The following UVRAG variants were observed in gnomAD, a reference collection of about 807,000 sequenced individuals.
The protein encoded by UVRAG is UV radiation resistance associated.
UVRAG carries 19 observed loss-of-function variants against 78.0 expected under a neutral mutation model. The observed-to-expected ratio is 0.24, with a 90% CI of 0.17 to 0.36. The LOEUF (loss-of-function observed/expected upper bound fraction) is 0.36, where lower values mean the gene tolerates loss of function less well. Ranked by LOEUF, UVRAG falls within the 10% of genes least tolerant of loss-of-function variation. The pLI, the probability that UVRAG is intolerant of heterozygous loss-of-function variation, is 1.00. For synonymous variants in UVRAG, 323 were observed against 324.6 expected (o/e 1.00, Z 0.05); for missense variants, 740 against 853.8 (o/e 0.87, Z 1.66).
chr11:76,008,697 A>C (rs1178601153), intron 10 of UVRAG, 110 bp from the exon 11 acceptor site: 1 of 531,718 alleles, frequency 1.9e-6, no homozygotes, highest in African/African-American at 1.9e-5. Context: ...TTATGATAAT[A>C]CTTGGAGTTT....
chr11:76,076,920 G>A (rs1951414670), intron 13 of UVRAG, among the ~76,000 whole-genome samples: 1 of 150,766 alleles, frequency 6.6e-6, no homozygotes, highest in Admixed American at 6.6e-5. Context: ...GGGAGGCTGA[G>A]ATGGGAAAAT....
chr11:76,085,093 A>G (rs535540855), intron 13 of UVRAG, among the ~76,000 whole-genome samples: 162 of 150,266 alleles, frequency 1.1e-3, no homozygotes, highest in African/African-American at 2.9e-3. Context: ...AAAAAAATCT[A>G]ATTGTTCTGA....
chr11:75,946,338 G>A (rs1948587832), intron 6 of UVRAG, among the ~76,000 whole-genome samples: 1 of 152,184 alleles, frequency 6.6e-6, no homozygotes, highest in Admixed American at 6.5e-5. Context: ...TTTGACTAAT[G>A]TGATAATGTG....
chr11:75,827,606 C>T lies in UVRAG; in HGVS notation c.117+12082C>T, dbSNP rs191458707. Among the ~76,000 whole-genome samples, 24 of 147,086 alleles carry T rather than the reference C, an allele frequency of 1.6e-4. 1 individual carries two copies. The highest frequency in any genetic ancestry group is 6.8e-3 in the Middle Eastern group (2 of 292). On this transcript the variant is annotated intron_variant, in intron 1 of 14. Transcript: ENST00000356136. Reference sequence around the variant, plus strand: ...AGCCTGGGCGACAAGAGCAAAACTCCGTCTCAAAAACAAACAAACAAACAA... The same window carrying T: ...AGCCTGGGCGACAAGAGCAAAACTCTGTCTCAAAAACAAACAAACAAACAA...
At chr11:75,815,899 C>A (rs1228633504) in intron 1 of UVRAG, among the ~76,000 whole-genome samples, 1 of 152,230 alleles carries the variant, frequency 6.6e-6, no homozygotes, top group Non-Finnish European at 1.5e-5. Context: ...CCCTGTGTCC[C>A]ACGGGCCATA....
chr11:75,832,166 GT>G (rs1945672767), intron 1 of UVRAG, among the ~76,000 whole-genome samples: 1 of 152,164 alleles, frequency 6.6e-6, no homozygotes, highest in African/African-American at 2.4e-5. Context: ...AATATGTTGG[GT>G]TTTCCCCCCA....
intron 14 of UVRAG, among the ~76,000 whole-genome samples, chr11:76,134,341 G>A (rs1235773574): frequency 6.9e-6 from 1 of 145,530 alleles, no homozygotes; most frequent in African/African-American, 2.6e-5. Context: ...ATAGCTCACT[G>A]CAAGCTCAAC....
intron 1 of UVRAG, among the ~76,000 whole-genome samples, chr11:75,849,883 T>C (rs1402409731): frequency 6.6e-6 from 1 of 151,994 alleles, no homozygotes; most frequent in African/African-American, 2.4e-5. Context: ...AAGCAAAGAG[T>C]GAAGCAATGA....
intron 13 of UVRAG, among the ~76,000 whole-genome samples, chr11:76,096,141 A>G (rs771283220): frequency 6.6e-6 from 1 of 152,184 alleles, no homozygotes; most frequent in East Asian, 1.9e-4. Flanking sequence ...GTAGACACTC[A>G]TAGTCTCTCT....
chr11:76,079,874 G>C (rs1402971909), intron 13 of UVRAG, among the ~76,000 whole-genome samples: 3 of 152,150 alleles, frequency 2.0e-5, no homozygotes, highest in African/African-American at 7.2e-5. Flanking sequence ...ATAAATGAAG[G>C]AGCATTGCCT....
At chr11:75,986,573 T>C (rs1949504846) in intron 8 of UVRAG, among the ~76,000 whole-genome samples, 1 of 152,202 alleles carries the variant, frequency 6.6e-6, no homozygotes. Context: ...TAATTATTTG[T>C]TACAAATATA....
chr11:75,887,503 A>C (rs1449201734), intron 4 of UVRAG, among the ~76,000 whole-genome samples: 1 of 139,842 alleles, frequency 7.2e-6, no homozygotes, highest in South Asian at 2.2e-4. Context: ...GCTGGAGTGC[A>C]GTGGCACAAT....
chr11:76,105,445 T>C (rs1294507573), intron 13 of UVRAG, among the ~76,000 whole-genome samples: 1 of 151,892 alleles, frequency 6.6e-6, no homozygotes, highest in African/African-American at 2.4e-5. Flanking sequence ...ATTAGGAACA[T>C]GCAAATTAAA....
intron 6 of UVRAG, among the ~76,000 whole-genome samples, chr11:75,919,185 A>G (rs759563399): frequency 6.6e-6 from 1 of 152,204 alleles, no homozygotes; most frequent in South Asian, 2.1e-4. Context: ...TCATCTTTAA[A>G]CTATGGATGT....
intron 13 of UVRAG, among the ~76,000 whole-genome samples, chr11:76,072,564 ATTATTTATC>A (rs1046593578): frequency 3.9e-5 from 6 of 152,202 alleles, no homozygotes; most frequent in African/African-American, 1.4e-4. Flanking sequence ...AGTCCAGCTC[ATTATTTATC>A]TTATAAAAGG....
chr11:75,947,404 A>G (rs1948606270), intron 6 of UVRAG, among the ~76,000 whole-genome samples: 2 of 152,186 alleles, frequency 1.3e-5, no homozygotes, highest in Non-Finnish European at 2.9e-5. Flanking sequence ...ACATTTTAGA[A>G]TTCTGCCTAC....
intron 6 of UVRAG, among the ~76,000 whole-genome samples, chr11:75,958,095 C>T (rs1191291250): frequency 6.6e-6 from 1 of 152,246 alleles, no homozygotes; most frequent in Non-Finnish European, 1.5e-5. Context: ...TCTGAACCTT[C>T]AGCAAGCCAT....
chr11:75,961,578 ACTTCTTGTTTTCTAAAGGAGAGTAT>A (rs1948911837), intron 7 of UVRAG, 29 bp downstream of exon 7: 2 of 1,521,714 alleles, frequency 1.3e-6, no homozygotes. Flanking sequence ...ACCTGTTTAC[ACTTCTTGTTTTCTAAAGGAGAGTAT>A]CATATTCTTC....
chr11:75,969,067 C>G (rs1009667329), intron 7 of UVRAG, among the ~76,000 whole-genome samples: 1 of 152,126 alleles, frequency 6.6e-6, no homozygotes, highest in African/African-American at 2.4e-5. Flanking sequence ...TTCAGAATGT[C>G]ATGCAACCAT....
Sources: gnomAD v4.1 joint callset for allele counts (sites outside exome capture counted in the v4.1 genomes callset) on GRCh38, gnomAD v4.1.1 for gene constraint, MANE v1.5 for transcripts, NCBI Gene and HGNC (gene_info 2026-07-23, HGNC 2026-07-21) for gene names.